The following WDFY3 variants were observed in gnomAD, a reference collection of about 807,000 sequenced individuals.
The protein encoded by WDFY3 is WD repeat and FYVE domain-containing protein 3.
Under a neutral mutation model 409.6 loss-of-function variants are expected in WDFY3, and 66 were observed. The observed-to-expected ratio is 0.16, with a 90% CI of 0.13 to 0.20. The LOEUF is 0.20. Ranked by LOEUF, WDFY3 falls within the 10% of genes least tolerant of loss-of-function variation. WDFY3 has a pLI of 1.00. For synonymous variants in WDFY3, 1,521 were observed against 1,537.1 expected (o/e 0.99, Z 0.25); for missense variants, 3,031 against 4,298.1 (o/e 0.71, Z 8.24).
intron 6 of WDFY3, among the ~76,000 whole-genome samples, chr4:84,839,215 T>C (rs1000594166): frequency 6.6e-6 from 1 of 152,064 alleles, no homozygotes; most frequent in Admixed American, 6.5e-5. Context: ...GTATTAAAAG[T>C]TAATATTACT....
chr4:84,751,299 A>G (rs982101741), intron 36 of WDFY3, 184 bp downstream of exon 36: 4 of 638,930 alleles, frequency 6.3e-6, no homozygotes, highest in Admixed American at 5.8e-5. Flanking sequence ...GAGGGAAGGA[A>G]AAGAACAAAC....
chr4:84,712,022 A>G (rs1171056742), intron 51 of WDFY3, among the ~76,000 whole-genome samples: 1 of 152,076 alleles, frequency 6.6e-6, no homozygotes, highest in African/African-American at 2.4e-5. Context: ...CTCTACCACA[A>G]TAAAATAATG....
intron 3 of WDFY3, among the ~76,000 whole-genome samples, chr4:84,890,286 G>C (rs938272317): frequency 6.6e-6 from 1 of 152,050 alleles, no homozygotes; most frequent in African/African-American, 2.4e-5. Flanking sequence ...TTTTTGTAGA[G>C]ACAGAGTTTC....
intron 13 of WDFY3, among the ~76,000 whole-genome samples, chr4:84,811,432 T>C (rs1752475557): frequency 6.6e-6 from 1 of 152,230 alleles, no homozygotes; most frequent in Admixed American, 6.5e-5. Context: ...TAAGGTACTA[T>C]TATTATTTCC....
intron 23 of WDFY3, among the ~76,000 whole-genome samples, chr4:84,787,056 TAA>T (rs1231340849): frequency 6.6e-6 from 1 of 151,932 alleles, no homozygotes; most frequent in Middle Eastern, 3.2e-3. Flanking sequence ...AGGCTTGGAG[TAA>T]AGAAATGAGG....
chr4:84,717,082 G>C (rs1734063993), intron 48 of WDFY3, 66 bp from the exon 49 acceptor site: 2 of 1,441,634 alleles, frequency 1.4e-6, no homozygotes, highest in Non-Finnish European at 1.8e-6. Context: ...GTTCCATAAA[G>C]GGCGTGCTAA....
rs141439693 is a variant in WDFY3 at position 84,861,573 on chromosome 4, T to A, written c.-31-951A>T. Among the ~76,000 whole-genome samples, 22 of 152,254 alleles carry A rather than the reference T, an allele frequency of 1.4e-4. No homozygotes were observed. The East Asian group carries it at 3.9e-3, about 27-fold the overall frequency. On this transcript the variant is annotated intron_variant, in intron 3 of 67. Coordinates refer to ENST00000295888, the MANE Select transcript of WDFY3 (RefSeq NM_014991.6). Reference sequence around the variant, plus strand: ...TCTAAAACTATAGTTTGGTAAGTCATGTTAAATCATTTAGTGGATAATGAT... The same window carrying A: ...TCTAAAACTATAGTTTGGTAAGTCAAGTTAAATCATTTAGTGGATAATGAT...
chr4:84,966,120 G>A (rs568615797), intron 1 of WDFY3, 89 bp downstream of exon 1: 283 of 152,066 alleles, frequency 1.9e-3, no homozygotes, highest in Non-Finnish European at 3.4e-3. Context: ...CCTCCGCCCC[G>A]CACGAACAAA....
intron 67 of WDFY3, among the ~76,000 whole-genome samples, chr4:84,674,697 G>A (rs1207614761): frequency 3.3e-5 from 5 of 150,366 alleles, no homozygotes; most frequent in South Asian, 4.2e-4. Flanking sequence ...GTGAAACCCC[G>A]TCTCTACTAA....
chr4:84,774,650 C>T (rs1387348663), intron 29 of WDFY3, among the ~76,000 whole-genome samples, 170 bp downstream of exon 29: 1 of 152,194 alleles, frequency 6.6e-6, no homozygotes, highest in African/African-American at 2.4e-5. Context: ...TCCATCAAGG[C>T]AAGATATTGT....
chr4:84,798,403 A>G (rs1425292544), intron 17 of WDFY3, among the ~76,000 whole-genome samples: 1 of 152,200 alleles, frequency 6.6e-6, no homozygotes, highest in Non-Finnish European at 1.5e-5. Context: ...GACTAATTAC[A>G]ATACAAAAAA....
intron 21 of WDFY3, among the ~76,000 whole-genome samples, chr4:84,793,282 ACAC>A (rs1232229104): frequency 3.9e-5 from 6 of 152,234 alleles, no homozygotes; most frequent in Non-Finnish European, 8.8e-5. Context: ...CACCAATCCT[ACAC>A]CACCTCAGCC....
At chr4:84,795,426 A>G (rs531661329) in intron 19 of WDFY3, among the ~76,000 whole-genome samples, 4 of 152,198 alleles carry the variant, frequency 2.6e-5, no homozygotes, top group Middle Eastern at 3.2e-3. Flanking sequence ...TTCAATCAAT[A>G]TAAGAATCCC....
intron 37 of WDFY3, 96 bp from the exon 38 acceptor site, chr4:84,742,017 G>C: frequency 8.2e-7 from 1 of 1,214,618 alleles, no homozygotes; most frequent in Non-Finnish European, 1.1e-6. Flanking sequence ...TAAAATAAGT[G>C]TATCTACAAC....
At chr4:84,963,410 G>A (rs1414863597) in intron 1 of WDFY3, among the ~76,000 whole-genome samples, 2 of 141,628 alleles carry the variant, frequency 1.4e-5, no homozygotes, top group Admixed American at 7.3e-5. Flanking sequence ...GGGCAACACA[G>A]CAAGACTCCA....
chr4:84,692,643 G>A (rs1363547431), intron 59 of WDFY3, among the ~76,000 whole-genome samples: 1 of 151,872 alleles, frequency 6.6e-6, no homozygotes, highest in African/African-American at 2.4e-5. Flanking sequence ...TTAAAGAGGA[G>A]AGAGAAGACT....
intron 60 of WDFY3, 107 bp downstream of exon 60, chr4:84,691,524 C>CG: frequency 5.7e-6 from 7 of 1,236,972 alleles, no homozygotes; most frequent in Non-Finnish European, 7.8e-6. Context: ...TTTGGAGGAA[C>CG]AGCTGACAAG....
intron 54 of WDFY3, among the ~76,000 whole-genome samples, chr4:84,704,823 G>A (rs1215714755): frequency 6.6e-6 from 1 of 152,152 alleles, no homozygotes; most frequent in Admixed American, 6.5e-5. Flanking sequence ...GTTTATGAAT[G>A]TTAAGCACTT....
Position 84,690,587 on chromosome 4 carries a change from G to A in WDFY3, c.9282C>T (p.Ile3094=), listed in dbSNP as rs770924756. 2 of 1,614,152 alleles carry A rather than the reference G, an allele frequency of 1.2e-6. No homozygotes were observed. The highest frequency in any genetic ancestry group is 1.7e-6 in the Non-Finnish European group (2 of 1,180,014). The change falls in exon 61 of 68, where the codon ATC becomes ATT. Residue 3094 remains isoleucine, a synonymous_variant. Coordinates refer to ENST00000295888, the MANE Select transcript of WDFY3 (RefSeq NM_014991.6). ...CAICPNPKLV[I]TGGTSTVVCV... is the part of the protein sequence containing the mutation. ...ACACAACCGTGCTTGTTCCACCCGT[G>A]ATGACCAGCTTGGGGTTGGGGCAGA...
Sources: gnomAD v4.1 joint callset for allele counts (sites outside exome capture counted in the v4.1 genomes callset) on GRCh38, gnomAD v4.1.1 for gene constraint, MANE v1.5 for transcripts, NCBI Gene and HGNC (gene_info 2026-07-23, HGNC 2026-07-21) for gene names.